The following ZSWIM9 variants were observed in gnomAD, a reference collection of about 807,000 sequenced individuals.
The protein encoded by ZSWIM9 is uncharacterized protein ZSWIM9.
ZSWIM9 carries 11 observed loss-of-function variants against 25.0 expected under a neutral mutation model. That is an observed-to-expected ratio of 0.44 (90% CI 0.28 to 0.73). The LOEUF is 0.73. Ranked by LOEUF, ZSWIM9 falls within the 30% of genes least tolerant of loss-of-function variation. ZSWIM9 has a pLI of 0.16. For missense variants in ZSWIM9, 1,070 were observed against 1,296.5 expected (o/e 0.83, Z 2.68); for synonymous variants, 562 against 582.1 (o/e 0.97, Z 0.50).
chr19:48,184,154 C>T (rs1049481682), intron 3 of ZSWIM9, among the ~76,000 whole-genome samples: 8 of 151,854 alleles, frequency 5.3e-5, no homozygotes, highest in African/African-American at 1.7e-4. Context: ...TGGAGCGGGA[C>T]AGTTCTAAGG....
intron 3 of ZSWIM9, chr19:48,191,928 C>T (rs748217041): frequency 2.8e-4 from 44 of 154,742 alleles, no homozygotes; most frequent in Admixed American, 8.5e-4. Context: ...TATTGCAAAT[C>T]GCATGGGTGA....
intron 3 of ZSWIM9, among the ~76,000 whole-genome samples, chr19:48,184,160 T>C (rs1470914609): frequency 6.6e-6 from 1 of 151,908 alleles, no homozygotes; most frequent in East Asian, 1.9e-4. Flanking sequence ...GGGACAGTTC[T>C]AAGGGTGCTG....
intron 3 of ZSWIM9, among the ~76,000 whole-genome samples, chr19:48,192,440 A>C (rs2037103256): frequency 1.1e-5 from 1 of 92,512 alleles, no homozygotes; most frequent in African/African-American, 4.3e-5. Context: ...ACAGAGTGAG[A>C]CTCTGTCTCA....
At chr19:48,191,300 G>C (rs2037092392) in intron 3 of ZSWIM9, among the ~76,000 whole-genome samples, 1 of 152,090 alleles carries the variant, frequency 6.6e-6, no homozygotes, top group East Asian at 1.9e-4. Context: ...CGCCTCCCGG[G>C]TTCAAGCAAT....
At position 48,195,585 on chromosome 19, in the gene ZSWIM9, G is replaced by A. The variant is rs954286174; in HGVS notation, c.1521G>A (p.Gly507=). 77 of 1,417,870 alleles carry A rather than the reference G, an allele frequency of 5.4e-5. No individual in the cohort carries two copies. In the African/African-American group the frequency reaches 9.6e-4, roughly 18 times the overall value. 87.8% of individuals were successfully genotyped at this position (1,417,870 alleles called of 1,614,324 possible). The change falls in exon 4 of 4, where the codon GGG becomes GGA. Residue 507 remains glycine (G), a synonymous_variant. Coordinates refer to ENST00000614654, the MANE Select transcript of ZSWIM9 (RefSeq NM_199341.4). The surrounding 1 kb of genome is among the most constrained non-coding windows in gnomAD (Gnocchi z 5.8). ...ARALETRDWG[G]AQFEGEKGRA... ...CACTGGAAACCAGAGACTGGGGCGG[G>A]GCTCAGTTCGAAGGTGAGAAGGGGA...
chr19:48,194,932 CG>C lies in ZSWIM9; in HGVS notation c.869del (p.Arg290ProfsTer180). On this transcript the variant is annotated frameshift_variant, in exon 4 of 4. Coordinates refer to ENST00000614654, the MANE Select transcript of ZSWIM9 (RefSeq NM_199341.4). LOFTEE classifies it low-confidence loss of function (END_TRUNC). The surrounding 1 kb of genome is among the most constrained non-coding windows in gnomAD (Gnocchi z 6.0). ...QSAPDVKGRV[R>X]CLTAGPEVAA... The stretch of plus-strand genomic sequence containing the variant: ...CGCGCCAGACGTCAAGGGCCGCGTG[CG>C]CTGCCTCACCGCCGGGCCCGAGGTG... 7.6e-7 allele frequency: 1 copy of C among 1,320,086 alleles called. No individual in the cohort carries two copies. 81.8% of individuals were successfully genotyped at this position (1,320,086 alleles called of 1,614,324 possible). A position where few individuals can be genotyped will look rare whatever the true frequency, so the allele number is the denominator to read the frequency against.
intron 3 of ZSWIM9, among the ~76,000 whole-genome samples, chr19:48,192,859 T>C (rs1253167337): frequency 6.6e-6 from 1 of 152,098 alleles, no homozygotes; most frequent in Non-Finnish European, 1.5e-5. Context: ...GTCTCTCTGA[T>C]TCCTTAATTA....
intron 2 of ZSWIM9, chr19:48,180,688 G>C (rs999649297): frequency 1.3e-5 from 2 of 151,872 alleles, no homozygotes; most frequent in African/African-American, 4.8e-5. Flanking sequence ...ATATTTTGGG[G>C]AACCATGATT....
chr19:48,171,638 T>C (rs930990588), intron 1 of ZSWIM9, among the ~76,000 whole-genome samples, 156 bp from the exon 2 acceptor site: 4 of 151,940 alleles, frequency 2.6e-5, no homozygotes, highest in African/African-American at 9.7e-5. Context: ...GAGGTTGATA[T>C]TTATATATTT....
Position 48,194,287 on chromosome 19 carries a change from T to C in ZSWIM9, c.589-366T>C, listed in dbSNP as rs1229134718. ...AGGTCCCAAGAACCGATGGTGATGC[T>C]GCTGGTCCAGGGCCCACATTTTGAG... is the stretch of plus-strand genomic sequence containing the variant. On this transcript the variant is annotated intron_variant, in intron 3 of 3. Coordinates refer to ENST00000614654, the MANE Select transcript of ZSWIM9 (RefSeq NM_199341.4). This position sits in a 1 kb window ranked among gnomAD's most constrained non-coding sequence, Gnocchi z 6.0. 6.6e-6 allele frequency among the ~76,000 whole-genome samples: 1 copy of C among 152,068 alleles called. No individual in the cohort carries two copies. Among genetic ancestry groups the C allele is most frequent in the Non-Finnish European group, 1.5e-5 (1 of 68,008 alleles).
In ZSWIM9 at chr19:48,183,077, C is replaced by A. The variant is rs559050550; in HGVS notation, c.588+310C>A. 27 of 337,872 alleles carry A rather than the reference C, an allele frequency of 8.0e-5. No individual in the cohort carries two copies. In the South Asian group the frequency reaches 1.1e-3, roughly 13 times the overall value. The allele number at this position is 337,872 out of a possible 1,614,324, so 20.9% of individuals were successfully genotyped here. Reference sequence around the variant, plus strand: ...TGGCTACTGAGCACTTGAAATGTGTCCAGTACACTGAGGAACTGAATTAAT... The same window carrying A: ...TGGCTACTGAGCACTTGAAATGTGTACAGTACACTGAGGAACTGAATTAAT... On this transcript the variant is annotated intron_variant, in intron 3 of 3. Transcript: ENST00000614654.
intron 2 of ZSWIM9, among the ~76,000 whole-genome samples, chr19:48,179,103 G>T (rs1163515255): frequency 6.6e-6 from 1 of 152,122 alleles, no homozygotes; most frequent in Non-Finnish European, 1.5e-5. Context: ...GAAATCAGAT[G>T]CCAATTTAAA....
Position 48,197,148 on chromosome 19 carries a change from G to A in ZSWIM9, c.*321G>A. The A allele has an allele frequency of 1.4e-6, 1 of 691,516 alleles. No homozygotes were observed. The highest frequency in any genetic ancestry group is 2.6e-6 in the Non-Finnish European group (1 of 379,436). 42.8% of individuals were successfully genotyped at this position (691,516 alleles called of 1,614,324 possible). A position where few individuals can be genotyped will look rare whatever the true frequency, so the allele number is the denominator to read the frequency against. ...CAGAAGGAAGGAAAGGGGCAGAGCT[G>A]GGGGGAGGGGGAGGAAGCGATCATA... On this transcript the variant is annotated 3_prime_UTR_variant, in exon 4 of 4. Coordinates refer to ENST00000614654, the MANE Select transcript of ZSWIM9 (RefSeq NM_199341.4).
intron 2 of ZSWIM9, 101 bp downstream of exon 2, chr19:48,172,178 G>C (rs1568572536): frequency 1.1e-5 from 14 of 1,238,344 alleles, no homozygotes; most frequent in Non-Finnish European, 1.4e-5. Context: ...GAGATGCAGA[G>C]GGGGAGAGGC....
chr19:48,194,948 G>A lies in ZSWIM9; in HGVS notation c.884G>A (p.Gly295Glu). Residue 295 changes from glycine (G) to glutamate (E), a missense_variant, in exon 4 of 4, where the codon GGG becomes GAG. By Grantham distance (98) the Gly-to-Glu change is moderately conservative. This residue lies in a region of ZSWIM9 where 184 missense variants were observed against 243.1 expected (regional missense o/e 0.76). Transcript: ENST00000614654. The surrounding 1 kb of genome is among the most constrained non-coding windows in gnomAD (Gnocchi z 6.0). ...GGCCGCGTGCGCTGCCTCACCGCCG[G>A]GCCCGAGGTGGCGGCGCAGTTGCCT... ...VKGRVRCLTA[G>E]PEVAAQLPAV... 7.5e-7 allele frequency: 1 copy of A among 1,325,842 alleles called. No individual in the cohort carries two copies. The highest frequency in any genetic ancestry group is 4.1e-5 in the Admixed American group (1 of 24,206). 82.1% of individuals were successfully genotyped at this position (1,325,842 alleles called of 1,614,324 possible).
Position 48,196,593 on chromosome 19 carries a change from C to A in ZSWIM9, c.2529C>A (p.Ala843=), listed in dbSNP as rs1213085671. Residue 843 remains alanine (A), a synonymous_variant, in exon 4 of 4, where the codon GCC becomes GCA. Transcript: ENST00000614654. The part of the protein sequence containing the change: ...ELADLVAEEL[A]FARQHGTRGF... ...CAGACCTGGTGGCTGAGGAGTTGGC[C>A]TTTGCTAGGCAGCATGGGACCCGGG... 6 of 1,232,422 alleles carry A rather than the reference C, an allele frequency of 4.9e-6. No individual in the cohort carries two copies. The highest frequency in any genetic ancestry group is 6.1e-6 in the Non-Finnish European group (6 of 988,230). The allele number at this position is 1,232,422 out of a possible 1,614,324, so 76.3% of individuals were successfully genotyped here.
At position 48,197,030 on chromosome 19, in the gene ZSWIM9, C is replaced by CT; in HGVS notation, c.*205dup. ...GGTCTCTGAGGTCCTGGAGCCACAG[C>CT]TTGGGAAGGTGTTGATGGGCAGGGT... On this transcript the variant is annotated 3_prime_UTR_variant, in exon 4 of 4. Coordinates refer to ENST00000614654, the MANE Select transcript of ZSWIM9 (RefSeq NM_199341.4). 1 of 556,376 alleles carries CT rather than the reference C, an allele frequency of 1.8e-6. No homozygotes were observed. The highest frequency in any genetic ancestry group is 3.1e-6 in the Non-Finnish European group (1 of 323,124). 34.5% of individuals were successfully genotyped at this position (556,376 alleles called of 1,614,324 possible). A position where few individuals can be genotyped will look rare whatever the true frequency, so the allele number is the denominator to read the frequency against.
chr19:48,179,340 T>C (rs1461617397), intron 2 of ZSWIM9, among the ~76,000 whole-genome samples: 1 of 152,106 alleles, frequency 6.6e-6, no homozygotes, highest in Non-Finnish European at 1.5e-5. Context: ...TTTTTATGTT[T>C]TAATTTTTTG....
At position 48,182,962 on chromosome 19, in the gene ZSWIM9, G is replaced by T. The variant is rs1199874581; in HGVS notation, c.588+195G>T. On this transcript the variant is annotated intron_variant, in intron 3 of 3. Transcript: ENST00000614654. This position sits in a 1 kb window ranked among gnomAD's most constrained non-coding sequence, Gnocchi z 4.6. Reference sequence around the variant, plus strand: ...AACCAGACCCACGTGGTCTCTGTCCGCAGAGAGCTTACCTTCTAGGGTAGT... The same window carrying T: ...AACCAGACCCACGTGGTCTCTGTCCTCAGAGAGCTTACCTTCTAGGGTAGT... 7 of 592,140 alleles carry T rather than the reference G, an allele frequency of 1.2e-5. No homozygotes were observed. Among genetic ancestry groups the T allele is most frequent in the Non-Finnish European group, 2.1e-5 (7 of 332,820 alleles). The allele number at this position is 592,140 out of a possible 1,614,324, so 36.7% of individuals were successfully genotyped here.
Sources: gnomAD v4.1 joint callset for allele counts (sites outside exome capture counted in the v4.1 genomes callset) on GRCh38, gnomAD v4.1.1 for gene constraint, gnomAD v4.1.1 regional missense constraint, Gnocchi (gnomAD v3.1) non-coding constraint, MANE v1.5 for transcripts, NCBI Gene and HGNC (gene_info 2026-07-23, HGNC 2026-07-21) for gene names.